LRRC49: variants seen among roughly 807,000 people sequenced by gnomAD.
LRRC49 encodes leucine rich repeat containing 49.
In LRRC49, 50 loss-of-function variants were observed where a neutral mutation model predicts 83.3. The observed-to-expected ratio is 0.60, with a 90% confidence interval of 0.48 to 0.76. The LOEUF is 0.76. Ranked by LOEUF, LRRC49 falls within the 30% of genes least tolerant of loss-of-function variation. The pLI is 0.00. For synonymous variants in LRRC49, 286 were observed against 283.3 expected (o/e 1.01, Z -0.10); for missense variants, 704 against 809.1 (o/e 0.87, Z 1.58).
At chr15:70,896,563 T>G (rs942631677) in intron 3 of LRRC49, among the ~76,000 whole-genome samples, 2 of 152,174 alleles carry the variant, frequency 1.3e-5, no homozygotes, top group Non-Finnish European at 2.9e-5. Flanking sequence ...TCTGGTTATA[T>G]TTCTGAAATA....
chr15:70,900,878 G>A (rs754893509), intron 3 of LRRC49, 44 bp from the exon 4 acceptor site: 9 of 1,201,700 alleles, frequency 7.5e-6, no homozygotes, highest in East Asian at 2.3e-5. Flanking sequence ...TTCAGACTTC[G>A]AAGGTTTTTC....
Position 71,051,525 on chromosome 15 carries a change from C to G in LRRC49, c.*1913C>G, listed in dbSNP as rs1203533409. On this transcript the variant is annotated 3_prime_UTR_variant, in exon 16 of 16. Transcript: ENST00000260382. ...TTGAAGGTGATGTTGAGAGGAGAAC[C>G]AAGAGTATATTGTCTGTGGGATTCT... 1 of 152,212 alleles carries G rather than the reference C, an allele frequency of 6.6e-6. No homozygotes were observed. Among genetic ancestry groups the G allele is most frequent in the Non-Finnish European group, 1.5e-5 (1 of 68,116 alleles). The allele number at this position is 152,212 out of a possible 1,614,324, so 9.4% of individuals were successfully genotyped here.
chr15:71,030,108 A>G (rs1273995733), intron 14 of LRRC49, among the ~76,000 whole-genome samples: 1 of 152,182 alleles, frequency 6.6e-6, no homozygotes, highest in Admixed American at 6.5e-5. Flanking sequence ...CAGTTTCTAC[A>G]TAGTATCTTT....
At chr15:71,038,700 A>G (rs2039602215) in intron 15 of LRRC49, among the ~76,000 whole-genome samples, 1 of 152,150 alleles carries the variant, frequency 6.6e-6, no homozygotes, top group Non-Finnish European at 1.5e-5. Context: ...ATTCTTACTG[A>G]TATTAAGCTT....
chr15:70,872,725 T>C (rs1186431018), intron 1 of LRRC49, among the ~76,000 whole-genome samples: 3 of 152,190 alleles, frequency 2.0e-5, no homozygotes, highest in Non-Finnish European at 2.9e-5. Context: ...ACAAGTTCCA[T>C]AGGCAGCATC....
At chr15:70,946,711 A>T (rs574802240) in intron 8 of LRRC49, among the ~76,000 whole-genome samples, 4 of 152,098 alleles carry the variant, frequency 2.6e-5, no homozygotes, top group Admixed American at 2.6e-4. Context: ...GACAGCAACA[A>T]TGTACAGGGT....
At chr15:70,999,524 T>C (rs2038189131) in intron 11 of LRRC49, among the ~76,000 whole-genome samples, 1 of 152,198 alleles carries the variant, frequency 6.6e-6, no homozygotes, top group African/African-American at 2.4e-5. Context: ...GGTTCTGTTT[T>C]GAGGCACTCT....
chr15:70,959,100 A>G (rs1465363434), intron 8 of LRRC49, among the ~76,000 whole-genome samples: 1 of 152,244 alleles, frequency 6.6e-6, no homozygotes, highest in Non-Finnish European at 1.5e-5. Context: ...TAAAGTATTT[A>G]TAAAGTATTT....
At chr15:70,934,908 G>C (rs2141155442) in intron 7 of LRRC49, among the ~76,000 whole-genome samples, 1 of 152,246 alleles carries the variant, frequency 6.6e-6, no homozygotes. Context: ...ATACAGAGAG[G>C]GTTTTCAGTC....
intron 1 of LRRC49, among the ~76,000 whole-genome samples, chr15:70,863,372 TCTC>T (rs2032837035): frequency 6.6e-6 from 1 of 152,126 alleles, no homozygotes; most frequent in African/African-American, 2.4e-5. Context: ...AAATTGAACA[TCTC>T]CTACATGCCA....
intron 9 of LRRC49, among the ~76,000 whole-genome samples, chr15:70,969,289 T>G (rs1197572211): frequency 6.6e-6 from 1 of 152,178 alleles, no homozygotes; most frequent in Admixed American, 6.5e-5. Context: ...GATCAGATGG[T>G]TGTAGATGTG....
chr15:71,038,817 T>C (rs2039607230), intron 15 of LRRC49, among the ~76,000 whole-genome samples: 1 of 152,172 alleles, frequency 6.6e-6, no homozygotes, highest in Admixed American at 6.5e-5. Flanking sequence ...TGAAGTCAAC[T>C]ACCTTTTTCA....
intron 8 of LRRC49, among the ~76,000 whole-genome samples, chr15:70,948,874 A>G (rs1054014315): frequency 3.3e-5 from 5 of 152,188 alleles, no homozygotes; most frequent in Non-Finnish European, 7.3e-5. Flanking sequence ...GTATGTGTGT[A>G]TTTAGATAAC....
intron 3 of LRRC49, 135 bp downstream of exon 3, chr15:70,896,071 G>T: frequency 1.7e-6 from 1 of 580,426 alleles, no homozygotes; most frequent in South Asian, 2.5e-5. Flanking sequence ...AATTGGTTTG[G>T]TATTTTTTTA....
chr15:70,874,778 T>A (rs748742499), intron 2 of LRRC49, among the ~76,000 whole-genome samples: 1 of 152,194 alleles, frequency 6.6e-6, no homozygotes, highest in Non-Finnish European at 1.5e-5. Context: ...TCAGAAAGCA[T>A]TGGAACAAGT....
intron 11 of LRRC49, among the ~76,000 whole-genome samples, chr15:70,995,776 G>A (rs540136495): frequency 7.9e-5 from 12 of 152,272 alleles, no homozygotes; most frequent in South Asian, 6.2e-4. Flanking sequence ...TAAAATCATA[G>A]CGTCTTTATG....
chr15:70,948,013 T>G (rs573975513), intron 8 of LRRC49, among the ~76,000 whole-genome samples: 1 of 152,238 alleles, frequency 6.6e-6, no homozygotes, highest in South Asian at 2.1e-4. Context: ...TCCAATAAAC[T>G]TATTTCCTCT....
rs1159439948 is a variant in LRRC49, at chr15:71,008,460, A to C, written c.1251A>C (p.Thr417=). ...ACCTTGTTGAAGTGGACGGGGATAC[A>C]CTTTCCCTATATGGCTCAGGAGCAC... The part of the protein sequence containing the change: ...DTYLVEVDGD[T]LSLYGSGALE... The change falls in exon 12 of 16, where the codon ACA becomes ACC. Residue 417 remains threonine (T), a synonymous_variant. Transcript: ENST00000260382. The C allele has an allele frequency of 1.9e-6, 3 of 1,612,974 alleles. No individual in the cohort carries two copies. Among genetic ancestry groups the C allele is most frequent in the Non-Finnish European group, 2.5e-6 (3 of 1,179,212 alleles).
chr15:70,919,725 C>T (rs1416633924), intron 7 of LRRC49, among the ~76,000 whole-genome samples: 2 of 152,132 alleles, frequency 1.3e-5, no homozygotes, highest in African/African-American at 4.8e-5. Flanking sequence ...TCACAACTCT[C>T]TTGGCCTCAG....
Sources: allele counts gnomAD v4.1 joint callset (sites outside exome capture counted in the v4.1 genomes callset), GRCh38; gene constraint gnomAD v4.1.1; transcripts MANE v1.5; gene names NCBI Gene and HGNC (gene_info 2026-07-23, HGNC 2026-07-21).